CACNB2: variants seen among roughly 807,000 people sequenced by gnomAD.
CACNB2 encodes the protein calcium voltage-gated channel auxiliary subunit beta 2.
CACNB2 carries 42 observed loss-of-function variants against 73.3 expected under a neutral mutation model. The ratio of observed to expected loss-of-function variants is 0.57; its 90% CI spans 0.45 to 0.74. The LOEUF is 0.74. Ranked by LOEUF, CACNB2 falls within the 30% of genes least tolerant of loss-of-function variation. The pLI is 0.00. For missense variants in CACNB2, 940 were observed against 853.0 expected (o/e 1.10, Z -1.27); for synonymous variants, 348 against 310.3 (o/e 1.12, Z -1.28).
chr10:18,239,476 T>G (rs1376324488), intron 2 of CACNB2, among the ~76,000 whole-genome samples: 1 of 152,198 alleles, frequency 6.6e-6, no homozygotes, highest in Non-Finnish European at 1.5e-5. Flanking sequence ...ATGATTTCAT[T>G]CTTTTTAAGG....
At chr10:18,373,390 C>A (rs2042667062) in intron 2 of CACNB2, among the ~76,000 whole-genome samples, 2 of 152,158 alleles carry the variant, frequency 1.3e-5, no homozygotes, top group Admixed American at 1.3e-4. Context: ...GGGCCTTCAA[C>A]CCACCATGAT....
At chr10:18,235,142 CA>C (rs34052926) in intron 2 of CACNB2, among the ~76,000 whole-genome samples, 8,875 of 99,594 alleles carry the variant, frequency 0.089, 751 homozygotes, top group African/African-American at 0.23. Flanking sequence ...GACTCTGTCT[CA>C]AAAAAAAAAA....
At chr10:18,486,603 C>A (rs540629958) in intron 3 of CACNB2, among the ~76,000 whole-genome samples, 1 of 152,292 alleles carries the variant, frequency 6.6e-6, no homozygotes, top group African/African-American at 2.4e-5. Context: ...CCACTAATAT[C>A]CTTCCAGCCC....
At chr10:18,369,006 G>C (rs1023950181) in intron 2 of CACNB2, among the ~76,000 whole-genome samples, 1 of 152,172 alleles carries the variant, frequency 6.6e-6, no homozygotes, top group South Asian at 2.1e-4. Context: ...CATTAACTTA[G>C]GTCATTCTGG....
intron 7 of CACNB2, among the ~76,000 whole-genome samples, chr10:18,515,789 C>T (rs967930331): frequency 6.6e-6 from 1 of 152,180 alleles, no homozygotes; most frequent in African/African-American, 2.4e-5. Flanking sequence ...AAATCGGCAT[C>T]GCTAAGACAT....
intron 2 of CACNB2, among the ~76,000 whole-genome samples, chr10:18,264,821 C>T (rs1372116951): frequency 6.6e-6 from 1 of 152,126 alleles, no homozygotes; most frequent in Admixed American, 6.5e-5. Context: ...ATAAATAGTG[C>T]TGTTATAAAC....
At chr10:18,275,013 C>CA (rs1230637647) in intron 2 of CACNB2, among the ~76,000 whole-genome samples, 2 of 152,112 alleles carry the variant, frequency 1.3e-5, no homozygotes, top group African/African-American at 2.4e-5. Flanking sequence ...CTCTACTCCA[C>CA]AAAAAAGGAG....
In CACNB2 at chr10:18,316,028, T is replaced by C. The variant is rs553124589; in HGVS notation, c.214-85896T>C. Among the ~76,000 whole-genome samples the C allele has an allele frequency of 1.1e-4, 16 of 152,322 alleles. No individual in the cohort carries two copies. The South Asian group carries it at 3.3e-3, about 32-fold the overall frequency. On this transcript the variant is annotated intron_variant, in intron 2 of 13. Transcript: ENST00000324631. ...TATTTAGTCACAGGTTTTAGTAACT[T>C]CTAGTAATGGCTGTATTTGACAACT...
At position 18,498,417 on chromosome 10, in the gene CACNB2, T is replaced by C. The variant is rs1324860281; in HGVS notation, c.396T>C (p.Asp132=). The C allele has an allele frequency of 6.2e-7, 1 of 1,614,144 alleles. No homozygotes were observed. Among genetic ancestry groups the C allele is most frequent in the East Asian group, 2.2e-5 (1 of 44,880 alleles). The stretch of plus-strand genomic sequence containing the variant: ...GCTACAGTGCGGCCCATGAAGATGA[T>C]GTTCCAGTGCCTGGCATGGCCATCT... The part of the protein sequence containing the change: ...NVSYSAAHED[D]VPVPGMAISF... The change falls in exon 4 of 14, where the codon GAT becomes GAC. Residue 132 remains aspartate, a synonymous_variant. Transcript: ENST00000324631.
chr10:18,392,334 CAG>C (rs751530880), intron 2 of CACNB2, among the ~76,000 whole-genome samples: 10 of 152,240 alleles, frequency 6.6e-5, no homozygotes, highest in South Asian at 2.1e-4. Flanking sequence ...GAAGAGAGGA[CAG>C]GGGATGATCA....
In CACNB2 at chr10:18,459,001, G is replaced by T. The variant is rs890509314; in HGVS notation, c.334-39354G>T. Among the ~76,000 whole-genome samples, 4 of 151,922 alleles carry T rather than the reference G, an allele frequency of 2.6e-5. No individual in the cohort carries two copies. The East Asian group carries it at 7.7e-4, about 29-fold the overall frequency. ...GCTGGTCTTGAACTCCTCACCTCAG[G>T]TCATCTCCCCGCCTCGGCCTCCCAA... On this transcript the variant is annotated intron_variant, in intron 3 of 13. Transcript: ENST00000324631.
At chr10:18,252,450 A>G (rs528334832) in intron 2 of CACNB2, among the ~76,000 whole-genome samples, 4 of 152,344 alleles carry the variant, frequency 2.6e-5, no homozygotes, top group East Asian at 1.9e-4. Context: ...AGCCAGATCT[A>G]TGGCTCATAG....
At chr10:18,167,380 G>T (rs181716249) in intron 2 of CACNB2, among the ~76,000 whole-genome samples, 1 of 152,086 alleles carries the variant, frequency 6.6e-6, no homozygotes, top group African/African-American at 2.4e-5. Context: ...GATGAGTTCA[G>T]TAGAAACCCA....
chr10:18,330,139 C>A (rs1383919807), intron 2 of CACNB2, among the ~76,000 whole-genome samples: 2 of 152,090 alleles, frequency 1.3e-5, no homozygotes, highest in African/African-American at 4.8e-5. Flanking sequence ...CTGCACCCAG[C>A]CAGATTTATG....
chr10:18,323,695 A>C (rs1038298105), intron 2 of CACNB2, among the ~76,000 whole-genome samples: 4 of 152,336 alleles, frequency 2.6e-5, no homozygotes, highest in Admixed American at 2.6e-4. Context: ...TCAATACTGG[A>C]AAATTCACTT....
intron 2 of CACNB2, among the ~76,000 whole-genome samples, chr10:18,252,849 G>T (rs2037142018): frequency 6.6e-6 from 1 of 151,956 alleles, no homozygotes; most frequent in Non-Finnish European, 1.5e-5. Context: ...TGCTGGAAGG[G>T]GAACCTCTGA....
At chr10:18,304,506 CT>C (rs1298813732) in intron 2 of CACNB2, among the ~76,000 whole-genome samples, 1 of 141,890 alleles carries the variant, frequency 7.0e-6, no homozygotes, top group Admixed American at 7.5e-5. Flanking sequence ...AGCCTGTGCT[CT>C]TTTTCACTCC....
chr10:18,308,709 A>T (rs943441236), intron 2 of CACNB2, among the ~76,000 whole-genome samples: 5 of 152,202 alleles, frequency 3.3e-5, no homozygotes, highest in Admixed American at 2.6e-4. Flanking sequence ...TCAGCCTGCC[A>T]AAAACAACCC....
intron 3 of CACNB2, among the ~76,000 whole-genome samples, chr10:18,483,348 T>C (rs1178973972): frequency 2.0e-5 from 3 of 151,596 alleles, no homozygotes; most frequent in South Asian, 2.1e-4. Flanking sequence ...CTGGCCAACA[T>C]GGTGAAACCC....
Sources: gnomAD v4.1 joint callset for allele counts (sites outside exome capture counted in the v4.1 genomes callset) on GRCh38, gnomAD v4.1.1 for gene constraint, MANE v1.5 for transcripts, NCBI Gene and HGNC (gene_info 2026-07-23, HGNC 2026-07-21) for gene names.